DENND3: variants seen among roughly 807,000 people sequenced by gnomAD.
DENND3 encodes the protein DENN domain-containing protein 3.
In DENND3, 88 loss-of-function variants were observed where a neutral mutation model predicts 135.1. The ratio of observed to expected loss-of-function variants is 0.65; its 90% confidence interval spans 0.55 to 0.78. The LOEUF is 0.78. Among genes scored for constraint, DENND3 ranks in the 30% least tolerant of loss-of-function variants. DENND3 has a pLI of 0.00. For missense variants in DENND3, 1,392 were observed against 1,688.4 expected, an observed-to-expected ratio of 0.82 and a Z score of 3.08; for synonymous variants, 693 against 712.3, an observed-to-expected ratio of 0.97 and a Z score of 0.43.
rs757178810 is a variant in DENND3, at chr8:141,168,574, G to T, written c.2275+49G>T. 97 of 1,545,286 alleles carry T rather than the reference G, an allele frequency of 6.3e-5. No homozygotes were observed. The highest frequency in any genetic ancestry group is 8.4e-5 in the Non-Finnish European group (96 of 1,143,224). ...ACAGATTTTATTATTTAGAGACAGG[G>T]TCTGGCTCTGTCGCCCAGGCTGGAG... On this transcript the variant is annotated intron_variant, in intron 13 of 22. Transcript: ENST00000519811. The surrounding 1 kb of genome is among the most constrained non-coding windows in gnomAD (Gnocchi z 6.2).
chr8:141,161,095 G>C (rs375935861), intron 9 of DENND3, among the ~76,000 whole-genome samples: 2 of 152,278 alleles, frequency 1.3e-5, no homozygotes, highest in East Asian at 1.9e-4. Context: ...CTCTCCTGGT[G>C]ACCCCCTGCA....
chr8:141,169,429 C>T (rs1821218434), intron 13 of DENND3, among the ~76,000 whole-genome samples: 2 of 152,248 alleles, frequency 1.3e-5, no homozygotes, highest in Admixed American at 1.3e-4. Flanking sequence ...CGCTCCTTGT[C>T]CGGGAGAATT....
At chr8:141,133,476 G>A (rs375028516) in intron 1 of DENND3, among the ~76,000 whole-genome samples, 11 of 152,214 alleles carry the variant, frequency 7.2e-5, no homozygotes, top group Non-Finnish European at 1.2e-4. Context: ...GACGTCCCTC[G>A]TTGGGAGAGT....
chr8:141,159,581 A>C (rs1819884690), intron 8 of DENND3, among the ~76,000 whole-genome samples: 1 of 151,478 alleles, frequency 6.6e-6, no homozygotes, highest in South Asian at 2.1e-4. Context: ...ACTTCCTCCC[A>C]CTCACATGGA....
chr8:141,131,256 C>T (rs1189950095), intron 1 of DENND3, among the ~76,000 whole-genome samples: 1 of 152,142 alleles, frequency 6.6e-6, no homozygotes, highest in Non-Finnish European at 1.5e-5. Context: ...ATAGAGCCCT[C>T]CCCAACCCCA....
rs1271173859 is a variant in DENND3 at position 141,154,475 on chromosome 8, C to T, written c.1075-1374C>T. 6.6e-6 allele frequency among the ~76,000 whole-genome samples: 1 copy of T among 152,182 alleles called. No homozygotes were observed. The highest frequency in any genetic ancestry group is 1.5e-5 in the Non-Finnish European group (1 of 68,028). ...CCTCACTGGAGTTCTGGAATGCTCC[C>T]TCCAAGACTCCCAAAAAGCAGTACA... On this transcript the variant is annotated intron_variant, in intron 7 of 22. Transcript: ENST00000519811. The surrounding 1 kb of genome is among the most constrained non-coding windows in gnomAD (Gnocchi z 4.4).
chr8:141,194,612 G>T lies in DENND3; in HGVS notation c.*379G>T. 8.6e-6 allele frequency: 2 copies of T among 231,740 alleles called. No homozygotes were observed. Among genetic ancestry groups the T allele is most frequent in the South Asian group, 1.2e-4 (2 of 16,122 alleles). The allele number at this position is 231,740 out of a possible 1,614,324, so 14.4% of individuals were successfully genotyped here. On this transcript the variant is annotated 3_prime_UTR_variant, in exon 23 of 23. Coordinates refer to ENST00000519811, the MANE Select transcript of DENND3 (RefSeq NM_001352890.3). ...GGTGACCCGTGGCCCTCACGTCTCT[G>T]GTTTTACCTTTCCTTACTTCATTCA...
chr8:141,190,031 C>T (rs1824492190), intron 19 of DENND3, among the ~76,000 whole-genome samples: 1 of 152,182 alleles, frequency 6.6e-6, no homozygotes, highest in Non-Finnish European at 1.5e-5. Flanking sequence ...AGAAACCCGC[C>T]TTTTCCTGCC....
At chr8:141,169,328 T>C (rs1821204475) in intron 13 of DENND3, among the ~76,000 whole-genome samples, 1 of 152,364 alleles carries the variant, frequency 6.6e-6, no homozygotes. Flanking sequence ...GTGCCTGTCC[T>C]GAGATCTTAC....
At chr8:141,133,095 G>C (rs984491726) in intron 1 of DENND3, among the ~76,000 whole-genome samples, 3 of 152,198 alleles carry the variant, frequency 2.0e-5, no homozygotes, top group African/African-American at 7.2e-5. Flanking sequence ...TGTGGTCCTG[G>C]CTGCGGGGTG....
At chr8:141,129,414 A>T (rs1589505522) in intron 1 of DENND3, among the ~76,000 whole-genome samples, 1 of 151,896 alleles carries the variant, frequency 6.6e-6, no homozygotes, top group Non-Finnish European at 1.5e-5. Flanking sequence ...CCCTTGCGGT[A>T]CCACCCCCAC....
At position 141,181,315 on chromosome 8, in the gene DENND3, T is replaced by C. The variant is rs1239298867; in HGVS notation, c.2944+461T>C. 2.6e-5 allele frequency among the ~76,000 whole-genome samples: 4 copies of C among 152,188 alleles called. No individual in the cohort carries two copies. In the East Asian group the frequency reaches 7.7e-4, roughly 29 times the overall value. On this transcript the variant is annotated intron_variant, in intron 17 of 22. Transcript: ENST00000519811. ...CTGGGACCCCAGGCACCCGCCACCA[T>C]GTCTGGCTAACACACTGGCACTTTC... is the stretch of plus-strand genomic sequence containing the variant.
At chr8:141,135,964 G>T (rs534764353) in intron 1 of DENND3, among the ~76,000 whole-genome samples, 14 of 152,210 alleles carry the variant, frequency 9.2e-5, no homozygotes, top group Non-Finnish European at 1.9e-4. Flanking sequence ...ACTGGCCCAC[G>T]TGGGGGTGTG....
chr8:141,138,645 C>T lies in DENND3; in HGVS notation c.501+508C>T, dbSNP rs1817074173. Among the ~76,000 whole-genome samples, 1 of 152,166 alleles carries T rather than the reference C, an allele frequency of 6.6e-6. No individual in the cohort carries two copies. Among genetic ancestry groups the T allele is most frequent in the African/African-American group, 2.4e-5 (1 of 41,446 alleles). Reference sequence around the variant, plus strand: ...AGGTGATCCACCCGCCTCAGCCTCCCAAAGTGCTGGGATTACAGGTGTGAG... The same window carrying T: ...AGGTGATCCACCCGCCTCAGCCTCCTAAAGTGCTGGGATTACAGGTGTGAG... On this transcript the variant is annotated intron_variant, in intron 3 of 22. Transcript: ENST00000519811. This position sits in a 1 kb window ranked among gnomAD's most constrained non-coding sequence, Gnocchi z 4.8.
chr8:141,133,171 G>T (rs570186904), intron 1 of DENND3, among the ~76,000 whole-genome samples: 3 of 152,184 alleles, frequency 2.0e-5, no homozygotes, highest in Non-Finnish European at 4.4e-5. Context: ...GAGCAGCGAG[G>T]GGCTGGGGCC....
Position 141,142,509 on chromosome 8 carries a change from T to G in DENND3, c.623+1185T>G, listed in dbSNP as rs533169039. On this transcript the variant is annotated intron_variant, in intron 4 of 22. Coordinates refer to ENST00000519811, the MANE Select transcript of DENND3 (RefSeq NM_001352890.3). ...TGACTCGTAATTCAAATCCCAGCAC[T>G]TTAGTGGTTTACTTCTTAAAATATA... 5 of 398,392 alleles carry G rather than the reference T, an allele frequency of 1.3e-5. No homozygotes were observed. The East Asian group carries it at 3.9e-4, about 31-fold the overall frequency. The allele number at this position is 398,392 out of a possible 1,614,324, so 24.7% of individuals were successfully genotyped here. A position where few individuals can be genotyped will look rare whatever the true frequency, so the allele number is the denominator to read the frequency against.
chr8:141,147,818 G>A (rs894777219), intron 5 of DENND3, among the ~76,000 whole-genome samples: 3 of 152,224 alleles, frequency 2.0e-5, no homozygotes, highest in Non-Finnish European at 4.4e-5. Flanking sequence ...CCAGCAGTGA[G>A]CTGTGTGGTG....
intron 5 of DENND3, among the ~76,000 whole-genome samples, chr8:141,149,428 T>G (rs1379884244): frequency 9.2e-5 from 14 of 152,346 alleles, no homozygotes; most frequent in South Asian, 4.1e-4. Context: ...ATCACCAAAC[T>G]TCTAAATAAA....
chr8:141,140,122 A>G (rs149801831), intron 3 of DENND3, among the ~76,000 whole-genome samples: 482 of 152,196 alleles, frequency 3.2e-3, no homozygotes, highest in Non-Finnish European at 4.4e-3. Flanking sequence ...TATGTTGCCC[A>G]TGCTGATCTT....
Sources: allele counts gnomAD v4.1 joint callset (sites outside exome capture counted in the v4.1 genomes callset), GRCh38; gene constraint gnomAD v4.1.1; non-coding constraint Gnocchi (gnomAD v3.1); transcripts MANE v1.5; gene names NCBI Gene and HGNC (gene_info 2026-07-23, HGNC 2026-07-21).